TSPAN9: variants seen among roughly 807,000 people sequenced by gnomAD.
TSPAN9 encodes tetraspanin-9.
In TSPAN9, 16 loss-of-function variants were observed where a neutral mutation model predicts 31.0. That is an observed-to-expected ratio of 0.52 (90% confidence interval 0.35 to 0.78). The LOEUF (loss-of-function observed/expected upper bound fraction) is 0.78. TSPAN9 is among the 30% of genes least tolerant of loss of function. The pLI is 0.01. For missense variants in TSPAN9, 272 were observed against 312.5 expected (o/e 0.87, Z 0.98); for synonymous variants, 145 against 121.6 (o/e 1.19, Z -1.27).
At chr12:3,250,291 C>T (rs1001196608) in intron 3 of TSPAN9, among the ~76,000 whole-genome samples, 7 of 152,200 alleles carry the variant, frequency 4.6e-5, no homozygotes, top group Non-Finnish European at 7.3e-5. Context: ...ATAATGCTTT[C>T]GAGCTTCAAG....
intron 3 of TSPAN9, among the ~76,000 whole-genome samples, chr12:3,247,289 T>G (rs1862153990): frequency 8.1e-6 from 1 of 124,124 alleles, no homozygotes; most frequent in African/African-American, 3.1e-5. Context: ...CTGATGAGCA[T>G]TACTGGCCAG....
chr12:3,142,564 T>C (rs1485562534), intron 2 of TSPAN9, among the ~76,000 whole-genome samples: 1 of 152,158 alleles, frequency 6.6e-6, no homozygotes, highest in Non-Finnish European at 1.5e-5. Context: ...GTAATCCTTT[T>C]GTGAAAATCC....
intron 3 of TSPAN9, among the ~76,000 whole-genome samples, chr12:3,270,800 C>T (rs1313689913): frequency 1.3e-5 from 2 of 152,256 alleles, no homozygotes; most frequent in Non-Finnish European, 2.9e-5. Flanking sequence ...CCAATATACA[C>T]TTCGGGATTT....
intron 3 of TSPAN9, among the ~76,000 whole-genome samples, chr12:3,221,356 T>TTC (rs1296500740): frequency 5.5e-5 from 7 of 128,122 alleles, no homozygotes; most frequent in African/African-American, 1.5e-4. Context: ...TAAAATATTT[T>TTC]TCTCTTTTTT....
chr12:3,229,053 A>G, intron 3 of TSPAN9, among the ~76,000 whole-genome samples: 1 of 152,176 alleles, frequency 6.6e-6, no homozygotes, highest in East Asian at 1.9e-4. Flanking sequence ...CCTTATTTCA[A>G]GATCCTTCAT....
chr12:3,199,169 C>T (rs1432656856), intron 2 of TSPAN9, among the ~76,000 whole-genome samples: 2 of 152,200 alleles, frequency 1.3e-5, no homozygotes, highest in Non-Finnish European at 2.9e-5. Context: ...CCAGGGAGGA[C>T]TTTTCACACC....
At chr12:3,152,922 C>T (rs1414665999) in intron 2 of TSPAN9, among the ~76,000 whole-genome samples, 1 of 152,210 alleles carries the variant, frequency 6.6e-6, no homozygotes, top group Non-Finnish European at 1.5e-5. Context: ...CATCAGAAGA[C>T]AGGGACTCTG....
At chr12:3,227,276 C>G (rs2098388352) in intron 3 of TSPAN9, among the ~76,000 whole-genome samples, 1 of 152,200 alleles carries the variant, frequency 6.6e-6, no homozygotes, top group Non-Finnish European at 1.5e-5. Flanking sequence ...AAGTCATCGG[C>G]TGTACATGTG....
At chr12:3,209,505 G>A (rs1442825146) in intron 3 of TSPAN9, among the ~76,000 whole-genome samples, 3 of 152,138 alleles carry the variant, frequency 2.0e-5, no homozygotes, top group Non-Finnish European at 4.4e-5. Flanking sequence ...CTGTGGTGGA[G>A]GACCATCTTT....
At chr12:3,240,946 AT>A (rs1375215936) in intron 3 of TSPAN9, among the ~76,000 whole-genome samples, 3 of 152,142 alleles carry the variant, frequency 2.0e-5, no homozygotes, top group Non-Finnish European at 4.4e-5. Context: ...ATAGTATGCT[AT>A]TTTCTTGCCT....
At chr12:3,178,926 CT>C (rs1555148593) in intron 2 of TSPAN9, among the ~76,000 whole-genome samples, 2 of 152,206 alleles carry the variant, frequency 1.3e-5, no homozygotes, top group Non-Finnish European at 2.9e-5. Flanking sequence ...GCCCATCCCC[CT>C]TGGTCCCCAT....
intron 2 of TSPAN9, among the ~76,000 whole-genome samples, chr12:3,181,587 A>G (rs191383340): frequency 5.3e-5 from 8 of 152,212 alleles, no homozygotes; most frequent in African/African-American, 1.9e-4. Context: ...GATTGGACAT[A>G]AGTAACACCT....
At chr12:3,109,172 G>C (rs533666789) in intron 2 of TSPAN9, among the ~76,000 whole-genome samples, 1 of 151,626 alleles carries the variant, frequency 6.6e-6, no homozygotes, top group Non-Finnish European at 1.5e-5. Flanking sequence ...TCCTGACCTC[G>C]TGATCCGCCC....
chr12:3,116,374 C>T (rs2098322424), intron 2 of TSPAN9, among the ~76,000 whole-genome samples: 1 of 152,166 alleles, frequency 6.6e-6, no homozygotes, highest in Non-Finnish European at 1.5e-5. Flanking sequence ...TTTTGGGTAC[C>T]TACCATGTGA....
chr12:3,130,505 A>T (rs1327779003), intron 2 of TSPAN9, among the ~76,000 whole-genome samples: 2 of 152,178 alleles, frequency 1.3e-5, no homozygotes, highest in Non-Finnish European at 2.9e-5. Context: ...AGCTGGGCAG[A>T]TGGTGTCTGG....
intron 3 of TSPAN9, among the ~76,000 whole-genome samples, chr12:3,255,531 C>T (rs116617346): frequency 0.014 from 2,069 of 152,212 alleles, 47 homozygotes; most frequent in African/African-American, 0.046. Flanking sequence ...CTGTGCCACC[C>T]CAAAGGCACA....
At chr12:3,115,066 GC>G (rs1183039020) in intron 2 of TSPAN9, among the ~76,000 whole-genome samples, 3 of 149,366 alleles carry the variant, frequency 2.0e-5, no homozygotes, top group African/African-American at 7.4e-5. Context: ...TCACTCCCAT[GC>G]CCCCCTTCCC....
chr12:3,095,834 C>T (rs1291709787), intron 2 of TSPAN9, among the ~76,000 whole-genome samples: 3 of 146,486 alleles, frequency 2.0e-5, no homozygotes, highest in East Asian at 2.0e-4. Flanking sequence ...CGGGCGGAGA[C>T]GCTCCTCACT....
At chr12:3,089,530 C>T (rs193007226) in intron 2 of TSPAN9, among the ~76,000 whole-genome samples, 3,211 of 151,876 alleles carry the variant, frequency 0.021, 78 homozygotes, top group African/African-American at 0.063. Context: ...CTCCTGACCT[C>T]GTGATCCGCC....
Sources: gnomAD v4.1 joint callset for allele counts (sites outside exome capture counted in the v4.1 genomes callset) on GRCh38, gnomAD v4.1.1 for gene constraint, MANE v1.5 for transcripts, NCBI Gene and HGNC (gene_info 2026-07-23, HGNC 2026-07-21) for gene names.